SLC52A3: variants seen among roughly 807,000 people sequenced by gnomAD.
SLC52A3 encodes the protein solute carrier family 52 member 3.
SLC52A3 carries 20 observed loss-of-function variants against 29.5 expected under a neutral mutation model. The observed-to-expected ratio is 0.68, with a 90% confidence interval of 0.48 to 0.99. The LOEUF (loss-of-function observed/expected upper bound fraction) is 0.99, where lower values mean the gene tolerates loss of function less well. Among genes scored for constraint, SLC52A3 ranks in the 50% least tolerant of loss-of-function variants. SLC52A3 has a pLI of 0.00. For synonymous variants in SLC52A3, 301 were observed against 271.0 expected (o/e 1.11, Z -1.09); for missense variants, 548 against 612.9 (o/e 0.89, Z 1.12).
chr20:774,864 G>C (rs1193559973), intron 1 of SLC52A3, among the ~76,000 whole-genome samples: 1 of 152,242 alleles, frequency 6.6e-6, no homozygotes, highest in Non-Finnish European at 1.5e-5. Flanking sequence ...ATCTCAGGCT[G>C]TGGCAGACAT....
At chr20:766,594 C>CTGG (rs564523444) in intron 1 of SLC52A3, among the ~76,000 whole-genome samples, 26 of 152,034 alleles carry the variant, frequency 1.7e-4, no homozygotes, top group Non-Finnish European at 2.9e-4. Context: ...ACCTTGTGAC[C>CTGG]CCCACCCCTG....
chr20:766,789 C>T (rs768035310), intron 1 of SLC52A3, among the ~76,000 whole-genome samples: 16 of 152,090 alleles, frequency 1.1e-4, no homozygotes, highest in South Asian at 4.1e-4. Context: ...CATGGACGCG[C>T]GTGACATTCC....
rs1644658377 is a variant in SLC52A3, at chr20:765,723, C to G, written c.52G>C (p.Val18Leu). The G allele has an allele frequency of 1.2e-6, 2 of 1,613,606 alleles. No individual in the cohort carries two copies. The highest frequency in any genetic ancestry group is 1.7e-6 in the Non-Finnish European group (2 of 1,179,946). Residue 18 changes from valine to leucine, a missense_variant, in exon 2 of 5, where the codon GTG (valine) becomes CTG (leucine). Around this residue, in one of 2 missense-constraint regions of SLC52A3, gnomAD observed 375 missense variants for 471.1 expected, o/e 0.80. Transcript: ENST00000645534. This position sits in a 1 kb window ranked among gnomAD's most constrained non-coding sequence, Gnocchi z 6.6. ...TCTACCCAGAGCCCATTGATGGTCA[C>G]CCAGGAGCCCATTCCGAAGACGCAG... is the stretch of plus-strand genomic sequence containing the variant. ...LVCVFGMGSW[V>L]TINGLWVELP...
chr20:773,239 A>G (rs913209335), upstream of SLC52A3, among the ~76,000 whole-genome samples: 1 of 152,180 alleles, frequency 6.6e-6, no homozygotes, highest in African/African-American at 2.4e-5. Context: ...TCACCATGAC[A>G]ACAGTGACAA....
upstream of SLC52A3, among the ~76,000 whole-genome samples, chr20:779,343 C>T (rs989661343): frequency 5.3e-5 from 8 of 152,140 alleles, no homozygotes; most frequent in Admixed American, 2.0e-4. Flanking sequence ...ATGAGGGGGC[C>T]GGGCACGGTG....
At chr20:778,941 A>G (rs1987141253), upstream of SLC52A3, among the ~76,000 whole-genome samples, 1 of 152,208 alleles carries the variant, frequency 6.6e-6, no homozygotes, top group Non-Finnish European at 1.5e-5. Context: ...TAGAGGGTAC[A>G]AAACTATAAC....
upstream of SLC52A3, among the ~76,000 whole-genome samples, chr20:770,169 T>C (rs1986806734): frequency 6.7e-6 from 1 of 148,762 alleles, no homozygotes; most frequent in South Asian, 2.1e-4. The surrounding 1 kb of genome is among the most constrained non-coding windows in gnomAD (Gnocchi z 4.5). Flanking sequence ...TTTTTTTTTT[T>C]CTTTTGAGAC....
upstream of SLC52A3, among the ~76,000 whole-genome samples, chr20:779,030 T>C (rs1449674691): frequency 6.6e-6 from 1 of 152,244 alleles, no homozygotes; most frequent in African/African-American, 2.4e-5. Flanking sequence ...AAGGCAGCTA[T>C]ATCTTGAACT....
chr20:771,989 T>A (rs4815961), upstream of SLC52A3, among the ~76,000 whole-genome samples: 1 of 151,942 alleles, frequency 6.6e-6, no homozygotes, highest in Admixed American at 6.6e-5. Flanking sequence ...ATATACCTAG[T>A]AAAGAGGGCT....
At position 760,614 on chromosome 20, in the gene SLC52A3, G is replaced by C. The variant is rs1022790671; in HGVS notation, c.*412C>G. ...TTTTGCCTCCGTGCCATGCCTGTGA[G>C]GTAGTTGGTACTTACTGGAATCCCC... On this transcript the variant is annotated 3_prime_UTR_variant, in exon 5 of 5. Coordinates refer to ENST00000645534, the MANE Select transcript of SLC52A3 (RefSeq NM_033409.4). This position sits in a 1 kb window ranked among gnomAD's most constrained non-coding sequence, Gnocchi z 4.9. 1 of 201,740 alleles carries C rather than the reference G, an allele frequency of 5.0e-6. No homozygotes were observed. Among genetic ancestry groups the C allele is most frequent in the African/African-American group, 2.3e-5 (1 of 43,422 alleles). 12.5% of individuals were successfully genotyped at this position (201,740 alleles called of 1,614,324 possible). A position where few individuals can be genotyped will look rare whatever the true frequency, so the allele number is the denominator to read the frequency against.
At position 760,966 on chromosome 20, in the gene SLC52A3, C is replaced by T. The variant is rs183024897; in HGVS notation, c.*60G>A. On this transcript the variant is annotated 3_prime_UTR_variant, in exon 5 of 5. Coordinates refer to ENST00000645534, the MANE Select transcript of SLC52A3 (RefSeq NM_033409.4). This position sits in a 1 kb window ranked among gnomAD's most constrained non-coding sequence, Gnocchi z 4.9. Reference sequence around the variant, plus strand: ...TCTGTTCCTGCCCCTTGCTCTGTGACCTGGCCTCTCTGGACCCCAGTTCCG... The same window carrying T: ...TCTGTTCCTGCCCCTTGCTCTGTGATCTGGCCTCTCTGGACCCCAGTTCCG... 8.3e-4 allele frequency: 1,250 copies of T among 1,501,992 alleles called. No individual in the cohort carries two copies. Among genetic ancestry groups the T allele is most frequent in the Admixed American group, 1.1e-3 (56 of 51,306 alleles). The allele number at this position is 1,501,992 out of a possible 1,614,324, so 93.0% of individuals were successfully genotyped here. A position where few individuals can be genotyped will look rare whatever the true frequency, so the allele number is the denominator to read the frequency against.
upstream of SLC52A3, among the ~76,000 whole-genome samples, chr20:772,175 T>A (rs749667400): frequency 6.6e-6 from 1 of 152,214 alleles, no homozygotes; most frequent in Non-Finnish European, 1.5e-5. Context: ...CTCACTTTCT[T>A]GTATGTTCGA....
At chr20:763,392 T>C (rs562153276) in intron 3 of SLC52A3, 106 bp downstream of exon 3, 166 of 1,481,154 alleles carry the variant, frequency 1.1e-4, no homozygotes, top group Middle Eastern at 8.6e-4. Context: ...TCCCCAAACA[T>C]GTTCTTAACC....
At chr20:770,783 G>T (rs1043783185), upstream of SLC52A3, among the ~76,000 whole-genome samples, 1 of 152,210 alleles carries the variant, frequency 6.6e-6, no homozygotes, top group African/African-American at 2.4e-5. The surrounding 1 kb of genome is among the most constrained non-coding windows in gnomAD (Gnocchi z 4.5). Context: ...GAGGTATTTT[G>T]TGGCAAAGTT....
At chr20:778,621 G>C (rs966610745), upstream of SLC52A3, among the ~76,000 whole-genome samples, 6 of 152,010 alleles carry the variant, frequency 3.9e-5, no homozygotes, top group African/African-American at 1.5e-4. Context: ...CAAATACTTT[G>C]GATCTGTTAA....
At position 765,536 on chromosome 20, in the gene SLC52A3, C is replaced by T. The variant is rs1297278493; in HGVS notation, c.239G>A (p.Gly80Asp). The T allele has an allele frequency of 6.3e-7, 1 of 1,576,074 alleles. No individual in the cohort carries two copies. The highest frequency in any genetic ancestry group is 8.6e-7 in the Non-Finnish European group (1 of 1,160,732). ...SEVPIIFTLL[G>D]VGTVTCIIFA... ...GATGATGCAGGTGACGGTTCCCACG[C>T]CCAGCAGGGTGAAGATGATGGGCAC... The change falls in exon 2 of 5, where the codon GGC (glycine) becomes GAC (aspartate). Residue 80 changes from glycine to aspartate, a missense_variant. Physicochemically the swap from Gly to Asp is moderately conservative, Grantham distance 94. Around this residue, in one of 2 missense-constraint regions of SLC52A3, gnomAD observed 375 missense variants for 471.1 expected, o/e 0.80. Coordinates refer to ENST00000645534, the MANE Select transcript of SLC52A3 (RefSeq NM_033409.4). The surrounding 1 kb of genome is among the most constrained non-coding windows in gnomAD (Gnocchi z 6.6).
chr20:772,068 A>C (rs545345627), upstream of SLC52A3, among the ~76,000 whole-genome samples: 1 of 152,248 alleles, frequency 6.6e-6, no homozygotes, highest in Non-Finnish European at 1.5e-5. Flanking sequence ...AAAAGCTATT[A>C]AACTAATGAG....
At chr20:761,671 C>T (rs1415799394) in intron 4 of SLC52A3, 30 bp downstream of exon 4, 4 of 1,612,338 alleles carry the variant, frequency 2.5e-6, no homozygotes, top group South Asian at 2.2e-5. Flanking sequence ...GGGTACGCAG[C>T]GGGAGCAGCC....
At chr20:763,319 A>C (rs1380162712) in intron 3 of SLC52A3, among the ~76,000 whole-genome samples, 179 bp downstream of exon 3, 3 of 152,258 alleles carry the variant, frequency 2.0e-5, no homozygotes, top group Non-Finnish European at 4.4e-5. Context: ...GGCACAGAGA[A>C]CTGAAGTGAC....
Sources: allele counts gnomAD v4.1 joint callset (sites outside exome capture counted in the v4.1 genomes callset), GRCh38; gene constraint gnomAD v4.1.1; regional missense constraint gnomAD v4.1.1; non-coding constraint Gnocchi (gnomAD v3.1); transcripts MANE v1.5; gene names NCBI Gene and HGNC (gene_info 2026-07-23, HGNC 2026-07-21).